The following TBX4 variants were observed in gnomAD, a reference collection of about 807,000 sequenced individuals.
TBX4 encodes the protein T-box transcription factor 4, also known as T-box transcription factor TBX4.
A neutral mutation model predicts 54.6 loss-of-function variants in TBX4; 13 were observed. The observed-to-expected ratio is 0.24, with a 90% CI of 0.15 to 0.38. The LOEUF (loss-of-function observed/expected upper bound fraction) is 0.38. TBX4 is among the 10% of genes least tolerant of loss of function. TBX4 has a pLI of 1.00. For synonymous variants in TBX4, 314 were observed against 306.7 expected, an observed-to-expected ratio of 1.02 and a Z score of -0.25; for missense variants, 631 against 728.5, an observed-to-expected ratio of 0.87 and a Z score of 1.54.
chr17:61,454,698 G>A (rs990901102), intron 1 of TBX4, among the ~76,000 whole-genome samples: 7 of 152,214 alleles, frequency 4.6e-5, no homozygotes, highest in Non-Finnish European at 1.0e-4. Context: ...CAGTGGACGC[G>A]GGCGGTGAAC....
At chr17:61,453,366 G>A (rs143687811) in intron 1 of TBX4, among the ~76,000 whole-genome samples, 26 of 152,204 alleles carry the variant, frequency 1.7e-4, no homozygotes, top group African/African-American at 5.5e-4. Context: ...GATGAACAAT[G>A]AAAATACTAT....
Position 61,483,344 on chromosome 17 carries a change from C to T in TBX4, c.1469C>T (p.Ala490Val). 1 of 1,609,474 alleles carries T rather than the reference C, an allele frequency of 6.2e-7. No homozygotes were observed. Among genetic ancestry groups the T allele is most frequent in the Non-Finnish European group, 8.5e-7 (1 of 1,176,524 alleles). The stretch of plus-strand genomic sequence containing the variant: ...CAGGTCCGAGAGCGGGGGCCCAGCG[C>T]CTCATTCCCAAGAGAGCGCGGCCTC... ...QSQVRERGPS[A>V]SFPRERGLPQ... Residue 490 changes from alanine (A) to valine (V), a missense_variant, in exon 9 of 9, where the codon GCC becomes GTC. Physicochemically the swap from Ala to Val is moderately conservative, Grantham distance 64. Around this residue, in one of 3 missense-constraint regions of TBX4, gnomAD observed 354 missense variants for 368.9 expected, o/e 0.96. Coordinates refer to ENST00000644296, the MANE Select transcript of TBX4 (RefSeq NM_001321120.2). The surrounding 1 kb of genome is among the most constrained non-coding windows in gnomAD (Gnocchi z 6.6).
chr17:61,480,882 T>TA lies in TBX4; in HGVS notation c.1021+566dup, dbSNP rs1350184074. On this transcript the variant is annotated intron_variant, in intron 8 of 8. Coordinates refer to ENST00000644296, the MANE Select transcript of TBX4 (RefSeq NM_001321120.2). The surrounding 1 kb of genome is among the most constrained non-coding windows in gnomAD (Gnocchi z 6.2). The stretch of plus-strand genomic sequence containing the variant: ...GCACCCTCTGTGCCAGGCCTCTTCG[T>TA]AAAGAGGAGGAGCCCGGAGCTGGGC... Among the ~76,000 whole-genome samples, 16 of 152,282 alleles carry TA rather than the reference T, an allele frequency of 1.1e-4. No individual in the cohort carries two copies. Among genetic ancestry groups the TA allele is most frequent in the East Asian group, 3.9e-4 (2 of 5,186 alleles).
In TBX4 at chr17:61,465,977, C is replaced by A. The variant is rs772818140; in HGVS notation, c.401+39C>A. ...GACCGCATCACCCACGTTCCCTCAA[C>A]TGCCCACTTGCCACGCCCCCACCTA... On this transcript the variant is annotated intron_variant, in intron 4 of 8. Transcript: ENST00000644296. The surrounding 1 kb of genome is among the most constrained non-coding windows in gnomAD (Gnocchi z 4.9). 2 of 1,612,256 alleles carry A rather than the reference C, an allele frequency of 1.2e-6. 1 individual carries two copies. Among genetic ancestry groups the A allele is most frequent in the South Asian group, 2.2e-5 (2 of 91,016 alleles).
intron 2 of TBX4, 126 bp downstream of exon 2, chr17:61,456,802 G>A: frequency 1.4e-6 from 1 of 715,130 alleles, no homozygotes; most frequent in Non-Finnish European, 1.9e-6. Context: ...CATTCAGGAC[G>A]GTCTGCCCGT....
rs1164916290 is a variant in TBX4, at chr17:61,474,317, A to G, written c.550-4310A>G. Among the ~76,000 whole-genome samples the G allele has an allele frequency of 6.6e-6, 1 of 152,150 alleles. No individual in the cohort carries two copies. Among genetic ancestry groups the G allele is most frequent in the African/African-American group, 2.4e-5 (1 of 41,430 alleles). On this transcript the variant is annotated intron_variant, in intron 5 of 8. Transcript: ENST00000644296. The surrounding 1 kb of genome is among the most constrained non-coding windows in gnomAD (Gnocchi z 4.6). Reference sequence around the variant, plus strand: ...AGTGTTTAATTGGCACCTTCTCATTAACTCTGAGCTTGTTGAGAGCAGTGT... The same window carrying G: ...AGTGTTTAATTGGCACCTTCTCATTGACTCTGAGCTTGTTGAGAGCAGTGT...
intron 5 of TBX4, among the ~76,000 whole-genome samples, chr17:61,477,538 G>A (rs934815442): frequency 3.3e-5 from 5 of 152,216 alleles, no homozygotes; most frequent in East Asian, 1.9e-4. Context: ...CACCTTGAAC[G>A]CTTGAAGAGC....
rs906348558 is a variant in TBX4 at position 61,461,416 on chromosome 17, C to T, written c.281+3785C>T. On this transcript the variant is annotated intron_variant, in intron 3 of 8. Transcript: ENST00000644296. The surrounding 1 kb of genome is among the most constrained non-coding windows in gnomAD (Gnocchi z 5.1). ...CCTAACCCCAGCCTTGGATGCTGGG[C>T]CCTGGCCTCTTCCCCGTACACCCAG... 3.3e-5 allele frequency among the ~76,000 whole-genome samples: 5 copies of T among 152,102 alleles called. No homozygotes were observed. The highest frequency in any genetic ancestry group is 1.2e-4 in the African/African-American group (5 of 41,420).
At position 61,459,009 on chromosome 17, in the gene TBX4, C is replaced by T. The variant is rs566588505; in HGVS notation, c.281+1378C>T. ...GTGGAGGTCTGGGCACTTGGCCACC[C>T]TCAGGCCTTAGCCAGGGAGGTGGCA... On this transcript the variant is annotated intron_variant, in intron 3 of 8. Coordinates refer to ENST00000644296, the MANE Select transcript of TBX4 (RefSeq NM_001321120.2). The surrounding 1 kb of genome is among the most constrained non-coding windows in gnomAD (Gnocchi z 4.8). Among the ~76,000 whole-genome samples, 1 of 152,258 alleles carries T rather than the reference C, an allele frequency of 6.6e-6. No homozygotes were observed. The highest frequency in any genetic ancestry group is 2.4e-5 in the African/African-American group (1 of 41,470).
In TBX4 at chr17:61,472,312, C is replaced by T. The variant is rs1234837955; in HGVS notation, c.549+4655C>T. 6.6e-6 allele frequency among the ~76,000 whole-genome samples: 1 copy of T among 152,094 alleles called. No individual in the cohort carries two copies. ...ACTGCTGTGGCCTTACCAATAAGGG[C>T]GGGAGAGCAAACTTGTGGATTTTTG... On this transcript the variant is annotated intron_variant, in intron 5 of 8. Transcript: ENST00000644296. This position sits in a 1 kb window ranked among gnomAD's most constrained non-coding sequence, Gnocchi z 4.5.
Position 61,479,731 on chromosome 17 carries a change from C to A in TBX4, c.703-150C>A. 1 of 821,758 alleles carries A rather than the reference C, an allele frequency of 1.2e-6. No individual in the cohort carries two copies. Among genetic ancestry groups the A allele is most frequent in the South Asian group, 1.5e-5 (1 of 68,168 alleles). 50.9% of individuals were successfully genotyped at this position (821,758 alleles called of 1,614,324 possible). A position where few individuals can be genotyped will look rare whatever the true frequency, so the allele number is the denominator to read the frequency against. On this transcript the variant is annotated intron_variant, in intron 6 of 8. Transcript: ENST00000644296. The surrounding 1 kb of genome is among the most constrained non-coding windows in gnomAD (Gnocchi z 6.1). Reference sequence around the variant, plus strand: ...CCAGAGGCCAGTCCAGTCCCACCCTCCTCCCCAAGGAGGGTAGTGAGAAGC... The same window carrying A: ...CCAGAGGCCAGTCCAGTCCCACCCTACTCCCCAAGGAGGGTAGTGAGAAGC...
chr17:61,455,445 G>C (rs947802118), intron 1 of TBX4, among the ~76,000 whole-genome samples: 5 of 152,250 alleles, frequency 3.3e-5, no homozygotes, highest in South Asian at 4.1e-4. Flanking sequence ...GGAGCAAGCG[G>C]GGCACACCCT....
rs986681342 is a variant in TBX4 at position 61,461,711 on chromosome 17, C to A, written c.281+4080C>A. ...CCTTCATCCAGATAAAGAAATAGAT[C>A]ATCACCACCACCGCCCCAGAATCCT... On this transcript the variant is annotated intron_variant, in intron 3 of 8. Coordinates refer to ENST00000644296, the MANE Select transcript of TBX4 (RefSeq NM_001321120.2). This position sits in a 1 kb window ranked among gnomAD's most constrained non-coding sequence, Gnocchi z 5.1. Among the ~76,000 whole-genome samples the A allele has an allele frequency of 1.1e-4, 16 of 152,112 alleles. No individual in the cohort carries two copies. Among genetic ancestry groups the A allele is most frequent in the Non-Finnish European group, 1.6e-4 (11 of 67,998 alleles).
chr17:61,471,901 T>TTA (rs1240971118), intron 5 of TBX4, among the ~76,000 whole-genome samples: 19 of 111,646 alleles, frequency 1.7e-4, no homozygotes, highest in African/African-American at 6.2e-4. Context: ...AATTTTTTTT[T>TTA]TTTTTTTTTT....
In TBX4 at chr17:61,456,537, C is replaced by T. The variant is rs1470554283; in HGVS notation, c.47C>T (p.Ala16Val). 1.7e-5 allele frequency: 27 copies of T among 1,559,316 alleles called. No individual in the cohort carries two copies. Among genetic ancestry groups the T allele is most frequent in the South Asian group, 3.5e-5 (3 of 84,584 alleles). ...GLSESEEAFR[A>V]PGPALGEASA... ...TCCGAGAGCGAGGAGGCCTTCCGGG[C>T]CCCGGGCCCAGCGCTCGGAGAGGCC... The change falls in exon 2 of 9, where the codon GCC becomes GTC. Residue 16 changes from alanine (A) to valine (V), a missense_variant. This residue lies in a region of TBX4 where 123 missense variants were observed against 120.9 expected (regional missense o/e 1.02). Coordinates refer to ENST00000644296, the MANE Select transcript of TBX4 (RefSeq NM_001321120.2).
Position 61,480,405 on chromosome 17 carries a change from CAA to C in TBX4, c.1021+87_1021+88del. On this transcript the variant is annotated intron_variant, in intron 8 of 8. Transcript: ENST00000644296. The surrounding 1 kb of genome is among the most constrained non-coding windows in gnomAD (Gnocchi z 6.2). ...AACCACTCTGCAGCGCCCCCCCCCCCAACACACACACACTCATCTCGTGCTTG... is the reference window on the plus strand; with the variant it reads ...AACCACTCTGCAGCGCCCCCCCCCCCCACACACACACTCATCTCGTGCTTG... 3.0e-6 allele frequency: 3 copies of C among 993,300 alleles called. No homozygotes were observed. Among genetic ancestry groups the C allele is most frequent in the African/African-American group, 1.6e-5 (1 of 61,444 alleles). 61.5% of individuals were successfully genotyped at this position (993,300 alleles called of 1,614,324 possible). A position where few individuals can be genotyped will look rare whatever the true frequency, so the allele number is the denominator to read the frequency against.
rs769809385 is a variant in TBX4, at chr17:61,483,533, A to G, written c.*17A>G. On this transcript the variant is annotated 3_prime_UTR_variant, in exon 9 of 9. Transcript: ENST00000644296. This position sits in a 1 kb window ranked among gnomAD's most constrained non-coding sequence, Gnocchi z 6.6. ...GACGGATGACTCTCACGTCTCCTCC[A>G]TAGCCCCGGGACCGTGTTGCTCCAG... 1.9e-6 allele frequency: 3 copies of G among 1,613,938 alleles called. No homozygotes were observed. The highest frequency in any genetic ancestry group is 1.3e-5 in the African/African-American group (1 of 74,964).
chr17:61,478,838 C>T lies in TBX4; in HGVS notation c.702+59C>T. Reference sequence around the variant, plus strand: ...CTTAACACCACCCTGCGTTCTCTTCCACCAGGCAGAGAGGCAGAGTGTGAA... The same window carrying T: ...CTTAACACCACCCTGCGTTCTCTTCTACCAGGCAGAGAGGCAGAGTGTGAA... On this transcript the variant is annotated intron_variant, in intron 6 of 8. Coordinates refer to ENST00000644296, the MANE Select transcript of TBX4 (RefSeq NM_001321120.2). The surrounding 1 kb of genome is among the most constrained non-coding windows in gnomAD (Gnocchi z 7.4). 1 of 1,612,844 alleles carries T rather than the reference C, an allele frequency of 6.2e-7. No individual in the cohort carries two copies. Among genetic ancestry groups the T allele is most frequent in the South Asian group, 1.1e-5 (1 of 91,022 alleles).
rs529428457 is a variant in TBX4, at chr17:61,475,167, C to A, written c.550-3460C>A. Among the ~76,000 whole-genome samples, 11 of 152,370 alleles carry A rather than the reference C, an allele frequency of 7.2e-5. No individual in the cohort carries two copies. The highest frequency in any genetic ancestry group is 2.4e-4 in the African/African-American group (10 of 41,602). On this transcript the variant is annotated intron_variant, in intron 5 of 8. Transcript: ENST00000644296. This position sits in a 1 kb window ranked among gnomAD's most constrained non-coding sequence, Gnocchi z 5.0. ...TTTGCAGGTTTCCCTGTGAGCCTGG[C>A]TGGTTCCCTGCCTCGGAAGATGTGT...
Sources: allele counts gnomAD v4.1 joint callset (sites outside exome capture counted in the v4.1 genomes callset), GRCh38; gene constraint gnomAD v4.1.1; regional missense constraint gnomAD v4.1.1; non-coding constraint Gnocchi (gnomAD v3.1); transcripts MANE v1.5; gene names NCBI Gene and HGNC (gene_info 2026-07-23, HGNC 2026-07-21).